The following TSBP1 variants were observed in gnomAD, a reference collection of about 807,000 sequenced individuals.
The protein encoded by TSBP1 is testis-expressed basic protein 1.
In TSBP1, 56 loss-of-function variants were observed where a neutral mutation model predicts 68.8. The observed-to-expected ratio is 0.81, with a 90% CI of 0.66 to 1.02. The LOEUF is 1.02. TSBP1 is among the 50% of genes least tolerant of loss of function. The probability of loss-of-function intolerance (pLI) is 0.00; values close to 1 mark genes in which losing one functional copy is unlikely to be tolerated. For synonymous variants in TSBP1, 171 were observed against 208.7 expected, an observed-to-expected ratio of 0.82 and a Z score of 1.56; for missense variants, 502 against 641.2, an observed-to-expected ratio of 0.78 and a Z score of 2.34.
rs1192946668 is a variant in TSBP1, at chr6:32,337,820, C to T, written c.409+1159G>A. 1.3e-5 allele frequency among the ~76,000 whole-genome samples: 2 copies of T among 152,118 alleles called. No homozygotes were observed. Among genetic ancestry groups the T allele is most frequent in the African/African-American group, 4.8e-5 (2 of 41,442 alleles). Reference sequence around the variant, plus strand: ...CTAATATGTGCTTTTATGATACCTACCCAGTATTTGCTCTCAAAGTTTGAC... The same window carrying T: ...CTAATATGTGCTTTTATGATACCTATCCAGTATTTGCTCTCAAAGTTTGAC... On this transcript the variant is annotated intron_variant, in intron 11 of 22. Transcript: ENST00000612031. The surrounding 1 kb of genome is among the most constrained non-coding windows in gnomAD (Gnocchi z 5.5).
Position 32,292,967 on chromosome 6 carries a change from T to TA in TSBP1, c.*13dup, listed in dbSNP as rs1562041438. The TA allele has an allele frequency of 6.5e-7, 1 of 1,548,672 alleles. No individual in the cohort carries two copies. ...AATAATCACTTGTCTTATGGGCCTT[T>TA]AAAAAATTTATCCTTACTCTTCCAC... On this transcript the variant is annotated 3_prime_UTR_variant, in exon 23 of 23. Coordinates refer to ENST00000612031, the Ensembl canonical transcript of TSBP1. This position sits in a 1 kb window ranked among gnomAD's most constrained non-coding sequence, Gnocchi z 4.1.
At chr6:32,322,983 T>C in intron 18 of TSBP1, 134 bp downstream of exon 19, 2 of 619,550 alleles carry the variant, frequency 3.2e-6, no homozygotes, top group East Asian at 2.8e-5. Context: ...TTTTAATTAG[T>C]ATTTTAAAAA....
chr6:32,305,380 A>G (rs1417448689), intron 19 of TSBP1, among the ~76,000 whole-genome samples: 2 of 152,218 alleles, frequency 1.3e-5, no homozygotes, highest in African/African-American at 2.4e-5. Flanking sequence ...TCTTAGTCAC[A>G]GATTAGAAGA....
At chr6:32,298,477 G>C (rs531466540) in intron 22 of TSBP1, among the ~76,000 whole-genome samples, 15 of 152,260 alleles carry the variant, frequency 9.9e-5, no homozygotes, top group African/African-American at 3.4e-4. Context: ...TACTTGGGAG[G>C]CTGAGGCAGG....
chr6:32,330,589 C>T (rs770043830), exon 16 of TSBP1: 1 of 1,606,080 alleles, frequency 6.2e-7, no homozygotes, highest in Non-Finnish European at 8.5e-7. Flanking sequence ...AGGTACTTAC[C>T]ATTGGATCCA....
In TSBP1 at chr6:32,322,477, A is replaced by T; in HGVS notation, c.559+640T>A. On this transcript the variant is annotated intron_variant, in intron 18 of 22. Transcript: ENST00000612031. ...CCACATATGACCAGCTGAGAAGTAGAGTACTTACTTGCGGTTCTCTGTGAA... is the reference window on the plus strand; with the variant it reads ...CCACATATGACCAGCTGAGAAGTAGTGTACTTACTTGCGGTTCTCTGTGAA... 1 of 1,598,504 alleles carries T rather than the reference A, an allele frequency of 6.3e-7. No individual in the cohort carries two copies. The highest frequency in any genetic ancestry group is 2.2e-5 in the East Asian group (1 of 44,778).
chr6:32,294,009 C>G, exon 23 of TSBP1: 1 of 1,610,936 alleles, frequency 6.2e-7, no homozygotes, highest in Non-Finnish European at 8.5e-7. Context: ...TTTGCAAGTT[C>G]TTCATCCATG....
In TSBP1 at chr6:32,304,230, T is replaced by C. The variant is rs117624978; in HGVS notation, c.581-1601A>G. On this transcript the variant is annotated intron_variant, in intron 19 of 22. Coordinates refer to ENST00000612031, the Ensembl canonical transcript of TSBP1. This position sits in a 1 kb window ranked among gnomAD's most constrained non-coding sequence, Gnocchi z 4.8. ...AAGAAAGACCCAAACTAAACCAAAA[T>C]AGAAACCAAAAACAACAAAAGTGTC... is the stretch of plus-strand genomic sequence containing the variant. Among the ~76,000 whole-genome samples, 403 of 151,914 alleles carry C rather than the reference T, an allele frequency of 2.7e-3. 20 individuals are homozygous for C. The East Asian group carries it at 0.071, about 27-fold the overall frequency.
At chr6:32,369,457 G>A (rs9268386) in intron 2 of TSBP1, among the ~76,000 whole-genome samples, 50,273 of 146,804 alleles carry the variant, frequency 0.34, 9,520 homozygotes, top group Middle Eastern at 0.54. Context: ...TGCAACCTCC[G>A]TCTCCTGGGT....
chr6:32,341,308 G>C lies in TSBP1; in HGVS notation c.350-1670C>G, dbSNP rs546323224. Among the ~76,000 whole-genome samples the C allele has an allele frequency of 2.0e-5, 3 of 152,308 alleles. No homozygotes were observed. The East Asian group carries it at 5.8e-4, about 29-fold the overall frequency. Reference sequence around the variant, plus strand: ...GATATTCTTCCTAATGGGAGCATCAGAGTTAGTTCTTTTAGAGAGTACCAC... The same window carrying C: ...GATATTCTTCCTAATGGGAGCATCACAGTTAGTTCTTTTAGAGAGTACCAC... On this transcript the variant is annotated intron_variant, in intron 9 of 22. Transcript: ENST00000612031.
intron 21 of TSBP1, 119 bp downstream of exon 24, chr6:32,300,561 T>G: frequency 1.2e-6 from 1 of 816,558 alleles, no homozygotes. Flanking sequence ...AAATCACTTA[T>G]TGAAGAAATA....
chr6:32,324,919 C>T (rs1768049603), intron 16 of TSBP1, among the ~76,000 whole-genome samples: 1 of 151,918 alleles, frequency 6.6e-6, no homozygotes, highest in Non-Finnish European at 1.5e-5. Context: ...TTCCAATAGA[C>T]ATCAGTGGAC....
chr6:32,366,059 AT>A, intron 6 of TSBP1, 107 bp downstream of exon 6: 2 of 991,308 alleles, frequency 2.0e-6, no homozygotes, highest in Non-Finnish European at 2.8e-6. Flanking sequence ...AACTACTTTG[AT>A]TTCTTCTTCT....
At chr6:32,366,591 G>A (rs1289781928) in intron 4 of TSBP1, among the ~76,000 whole-genome samples, 2 of 150,674 alleles carry the variant, frequency 1.3e-5, no homozygotes, top group African/African-American at 2.4e-5. Context: ...GTGAAACCCC[G>A]TCTCTACTAA....
In TSBP1 at chr6:32,332,062, G is replaced by T. The variant is rs773643983; in HGVS notation, c.473-8C>A. ...TAGGTCCTGGAGTTTGCACTAAAAA[G>T]AAATTCAAATTGGCATATTAGTACA... On this transcript the variant is annotated splice_polypyrimidine_tract_variant and splice_region_variant and intron_variant, in intron 14 of 22. Coordinates refer to ENST00000612031, the Ensembl canonical transcript of TSBP1. 1.8e-5 allele frequency: 29 copies of T among 1,593,686 alleles called. No individual in the cohort carries two copies. The African/African-American group carries it at 1.9e-4, about 10-fold the overall frequency.
Position 32,335,430 on chromosome 6 carries a change from G to A in TSBP1, c.472+7C>T. On this transcript the variant is annotated splice_region_variant and intron_variant, in intron 14 of 22. Coordinates refer to ENST00000612031, the Ensembl canonical transcript of TSBP1. The surrounding 1 kb of genome is among the most constrained non-coding windows in gnomAD (Gnocchi z 5.5). ...AAGGCATTATAATTGAGAATCAGAT[G>A]ACTTACCAATGGTTTTTTGAGAGAG... The A allele has an allele frequency of 6.7e-7, 1 of 1,502,428 alleles. No individual in the cohort carries two copies. The allele number at this position is 1,502,428 out of a possible 1,614,324, so 93.1% of individuals were successfully genotyped here.
chr6:32,307,609 G>T (rs1765893171), intron 19 of TSBP1, among the ~76,000 whole-genome samples: 1 of 146,212 alleles, frequency 6.8e-6, no homozygotes, highest in South Asian at 2.2e-4. Flanking sequence ...TTTATTTTAT[G>T]AGAGAAATAT....
At position 32,337,043 on chromosome 6, in the gene TSBP1, G is replaced by A. The variant is rs920198236; in HGVS notation, c.410-408C>T. Among the ~76,000 whole-genome samples, 1 of 152,030 alleles carries A rather than the reference G, an allele frequency of 6.6e-6. No individual in the cohort carries two copies. The highest frequency in any genetic ancestry group is 1.5e-5 in the Non-Finnish European group (1 of 68,000). Reference sequence around the variant, plus strand: ...GTAGAAATGGTAACAGTTAGGATGTGGAGAGGACCCTATATCCTACAGAAG... The same window carrying A: ...GTAGAAATGGTAACAGTTAGGATGTAGAGAGGACCCTATATCCTACAGAAG... On this transcript the variant is annotated intron_variant, in intron 11 of 22. Coordinates refer to ENST00000612031, the Ensembl canonical transcript of TSBP1. This position sits in a 1 kb window ranked among gnomAD's most constrained non-coding sequence, Gnocchi z 5.5.
At chr6:32,303,246 G>T (rs1230483268) in intron 19 of TSBP1, among the ~76,000 whole-genome samples, 1 of 151,702 alleles carries the variant, frequency 6.6e-6, no homozygotes, top group Non-Finnish European at 1.5e-5. Context: ...AGCAATTGCT[G>T]AGAATGAGGC....
Sources: allele counts gnomAD v4.1 joint callset (sites outside exome capture counted in the v4.1 genomes callset), GRCh38; gene constraint gnomAD v4.1.1; non-coding constraint Gnocchi (gnomAD v3.1); transcripts MANE v1.5; gene names NCBI Gene and HGNC (gene_info 2026-07-23, HGNC 2026-07-21).